HDAC9: variants seen among roughly 807,000 people sequenced by gnomAD.
The protein encoded by HDAC9 is MEF-2 interacting transcription repressor (MITR) protein.
HDAC9 carries 41 observed loss-of-function variants against 139.4 expected under a neutral mutation model. The ratio of observed to expected loss-of-function variants is 0.29; its 90% CI spans 0.23 to 0.38. The LOEUF (loss-of-function observed/expected upper bound fraction) is 0.38. HDAC9 is among the 10% of genes least tolerant of loss of function. The pLI, the probability that HDAC9 is intolerant of heterozygous loss-of-function variation, is 1.00. For missense variants in HDAC9, 1,147 were observed against 1,297.0 expected, an observed-to-expected ratio of 0.88 and a Z score of 1.78; for synonymous variants, 517 against 476.2, an observed-to-expected ratio of 1.09 and a Z score of -1.12.
intron 1 of HDAC9, among the ~76,000 whole-genome samples, chr7:18,308,840 A>C (rs1335933853): frequency 2.0e-5 from 3 of 152,216 alleles, no homozygotes; most frequent in Non-Finnish European, 4.4e-5. Context: ...ATGGGTAAAT[A>C]CTAAGACAGG....
intron 2 of HDAC9, among the ~76,000 whole-genome samples, chr7:18,222,676 A>C (rs1792788257): frequency 6.6e-6 from 1 of 152,104 alleles, no homozygotes; most frequent in East Asian, 1.9e-4. Flanking sequence ...TACATATTTA[A>C]AACATTTTAA....
chr7:18,648,866 T>A (rs1023935138), intron 11 of HDAC9, among the ~76,000 whole-genome samples, 183 bp downstream of exon 11: 1 of 152,182 alleles, frequency 6.6e-6, no homozygotes, highest in Non-Finnish European at 1.5e-5. Flanking sequence ...ACCACCATTA[T>A]GTTCATAAGA....
At chr7:18,952,468 A>T (rs1782866045) in intron 23 of HDAC9, among the ~76,000 whole-genome samples, 1 of 152,034 alleles carries the variant, frequency 6.6e-6, no homozygotes, top group Admixed American at 6.6e-5. Context: ...ATAAGCTGTC[A>T]TCGCTTTGTG....
intron 12 of HDAC9, among the ~76,000 whole-genome samples, chr7:18,680,435 C>T (rs1421678870): frequency 6.6e-6 from 1 of 151,950 alleles, no homozygotes; most frequent in African/African-American, 2.4e-5. Context: ...AGAATATTAG[C>T]TGAAGTTAGT....
At chr7:18,593,615 G>A (rs73313298) in intron 5 of HDAC9, among the ~76,000 whole-genome samples, 3,692 of 152,152 alleles carry the variant, frequency 0.024, 143 homozygotes, top group African/African-American at 0.084. Context: ...GAGAACATAG[G>A]CAGTAATCTC....
chr7:18,779,705 A>C (rs987008114), intron 16 of HDAC9, among the ~76,000 whole-genome samples: 1 of 152,030 alleles, frequency 6.6e-6, no homozygotes, highest in Non-Finnish European at 1.5e-5. Context: ...GTGATAATGT[A>C]GGTTATCACT....
chr7:18,167,035 G>A (rs1788057552), intron 2 of HDAC9, among the ~76,000 whole-genome samples: 1 of 152,142 alleles, frequency 6.6e-6, no homozygotes, highest in African/African-American at 2.4e-5. Flanking sequence ...ATATTTTCAG[G>A]CCACTGGCCA....
In HDAC9 at chr7:18,921,481, T is replaced by C. The variant is rs529295510; in HGVS notation, c.2804-14328T>C. The stretch of plus-strand genomic sequence containing the variant: ...AGCCAAAACACACATGAAAAAATGC[T>C]CATCATCACTGGCCATCAGAGAAAT... On this transcript the variant is annotated intron_variant, in intron 22 of 25. Coordinates refer to ENST00000686413, the MANE Select transcript of HDAC9 (RefSeq NM_178425.4). Among the ~76,000 whole-genome samples, 423 of 152,292 alleles carry C rather than the reference T, an allele frequency of 2.8e-3. 4 individuals carry two copies. Among genetic ancestry groups the C allele is most frequent in the African/African-American group, 9.3e-3 (385 of 41,566 alleles).
At chr7:18,238,357 C>T (rs1414955849) in intron 2 of HDAC9, among the ~76,000 whole-genome samples, 1 of 152,186 alleles carries the variant, frequency 6.6e-6, no homozygotes, top group Non-Finnish European at 1.5e-5. Flanking sequence ...CATGTAGTAA[C>T]ATCAGTCATA....
intron 12 of HDAC9, among the ~76,000 whole-genome samples, chr7:18,680,615 A>G (rs1275179306): frequency 6.6e-6 from 1 of 151,970 alleles, no homozygotes; most frequent in Non-Finnish European, 1.5e-5. Flanking sequence ...TGGTGGGTTG[A>G]TACTGTATAT....
At chr7:18,507,626 G>A (rs1056191667) in intron 2 of HDAC9, among the ~76,000 whole-genome samples, 5 of 152,130 alleles carry the variant, frequency 3.3e-5, no homozygotes, top group Non-Finnish European at 5.9e-5. Flanking sequence ...TGAGTAGCTG[G>A]GATTACACGC....
At chr7:18,107,336 AG>A (rs1352862367) in intron 1 of HDAC9, among the ~76,000 whole-genome samples, 2 of 152,342 alleles carry the variant, frequency 1.3e-5, no homozygotes, top group African/African-American at 4.8e-5. Context: ...AATTCTCCAT[AG>A]AAAGTGTTTG....
At chr7:18,207,000 A>G (rs1791562130) in intron 2 of HDAC9, among the ~76,000 whole-genome samples, 1 of 146,770 alleles carries the variant, frequency 6.8e-6, no homozygotes, top group African/African-American at 2.5e-5. Flanking sequence ...CAATGGTGCC[A>G]TATTGGCTCA....
intron 1 of HDAC9, among the ~76,000 whole-genome samples, chr7:18,114,011 C>G (rs1783805444): frequency 6.6e-6 from 1 of 152,162 alleles, no homozygotes; most frequent in Non-Finnish European, 1.5e-5. Flanking sequence ...CCTCACCTTG[C>G]AGTCTAACAG....
intron 2 of HDAC9, among the ~76,000 whole-genome samples, chr7:18,535,174 T>G (rs1401358835): frequency 1.3e-5 from 2 of 152,188 alleles, no homozygotes; most frequent in African/African-American, 4.8e-5. Flanking sequence ...ATCTCTTCCC[T>G]CTTCTTTTTT....
intron 1 of HDAC9, among the ~76,000 whole-genome samples, chr7:18,141,591 A>T (rs1785900756): frequency 6.6e-6 from 1 of 152,176 alleles, no homozygotes; most frequent in South Asian, 2.1e-4. Context: ...TTCAAATAAA[A>T]TTTTAAACTG....
chr7:18,984,616 G>C (rs769300728), intron 25 of HDAC9, among the ~76,000 whole-genome samples: 1 of 152,072 alleles, frequency 6.6e-6, no homozygotes, highest in Non-Finnish European at 1.5e-5. Context: ...AAAACCTAGT[G>C]TAGATAAATT....
chr7:18,616,396 G>A (rs949535962), intron 6 of HDAC9, among the ~76,000 whole-genome samples: 7 of 152,050 alleles, frequency 4.6e-5, no homozygotes, highest in African/African-American at 1.2e-4. Context: ...GCCTTTATCC[G>A]GGCAGTCATC....
chr7:18,767,402 T>G (rs893283342), intron 16 of HDAC9, among the ~76,000 whole-genome samples: 2 of 152,176 alleles, frequency 1.3e-5, no homozygotes, highest in African/African-American at 4.8e-5. Context: ...CTTCTAACTG[T>G]AAGTTCCCGT....
Sources: gnomAD v4.1 joint callset for allele counts (sites outside exome capture counted in the v4.1 genomes callset) on GRCh38, gnomAD v4.1.1 for gene constraint, MANE v1.5 for transcripts, NCBI Gene and HGNC (gene_info 2026-07-23, HGNC 2026-07-21) for gene names.